RBM19: variants seen among roughly 807,000 people sequenced by gnomAD.
RBM19 encodes the protein probable RNA-binding protein 19.
Under a neutral mutation model 116.8 loss-of-function variants are expected in RBM19, and 94 were observed. The ratio of observed to expected loss-of-function variants is 0.80; its 90% CI spans 0.68 to 0.95. The LOEUF (loss-of-function observed/expected upper bound fraction) is 0.95. Ranked by LOEUF, RBM19 falls within the 40% of genes least tolerant of loss-of-function variation. The probability of loss-of-function intolerance (pLI) is 0.00; values close to 1 mark genes in which losing one functional copy is unlikely to be tolerated. For missense variants in RBM19, 1,161 were observed against 1,220.7 expected (o/e 0.95, Z 0.73); for synonymous variants, 475 against 494.1 (o/e 0.96, Z 0.51).
At position 113,953,189 on chromosome 12, in the gene RBM19, C is replaced by T. The variant is rs540057710; in HGVS notation, c.922-599G>A. On this transcript the variant is annotated intron_variant, in intron 7 of 23. Transcript: ENST00000261741. Reference sequence around the variant, plus strand: ...GCAAAAGACATGATCGGGCACTTTCCAAAAGAGAAGATATATTGGCCAGGT... The same window carrying T: ...GCAAAAGACATGATCGGGCACTTTCTAAAAGAGAAGATATATTGGCCAGGT... Among the ~76,000 whole-genome samples the T allele has an allele frequency of 5.9e-5, 9 of 152,302 alleles. No homozygotes were observed. The South Asian group carries it at 1.9e-3, about 32-fold the overall frequency.
At chr12:113,842,754 C>T (rs562326408) in intron 23 of RBM19, among the ~76,000 whole-genome samples, 1 of 151,778 alleles carries the variant, frequency 6.6e-6, no homozygotes, top group South Asian at 2.1e-4. Flanking sequence ...GGAGGGAAAG[C>T]GAAGGCTTCC....
chr12:113,955,005 C>T (rs1593648152), intron 7 of RBM19, 126 bp downstream of exon 7: 1 of 913,378 alleles, frequency 1.1e-6, no homozygotes, highest in Non-Finnish European at 1.7e-6. Flanking sequence ...CTTTTTGGCC[C>T]CCAATTCCTT....
At chr12:113,939,197 A>G (rs759285373) in intron 15 of RBM19, among the ~76,000 whole-genome samples, 5 of 151,860 alleles carry the variant, frequency 3.3e-5, no homozygotes, top group Non-Finnish European at 7.4e-5. Flanking sequence ...TCTCAGCTAC[A>G]TGGGAGGCTG....
intron 21 of RBM19, among the ~76,000 whole-genome samples, chr12:113,884,010 T>C (rs1862437439): frequency 1.3e-5 from 2 of 151,348 alleles, no homozygotes. Context: ...CACAGTGGCT[T>C]ACGCCTGTAA....
intron 23 of RBM19, among the ~76,000 whole-genome samples, chr12:113,834,007 A>G (rs1875666267): frequency 6.6e-6 from 1 of 152,158 alleles, no homozygotes; most frequent in Admixed American, 6.5e-5. Context: ...CGGCGTCTCA[A>G]AGCACTGGGA....
At chr12:113,838,926 C>G (rs1876201293) in intron 23 of RBM19, among the ~76,000 whole-genome samples, 1 of 152,222 alleles carries the variant, frequency 6.6e-6, no homozygotes. Context: ...CTGGCCACTT[C>G]CCACTGTCCC....
At chr12:113,854,504 A>G (rs1479853766) in intron 22 of RBM19, among the ~76,000 whole-genome samples, 1 of 151,676 alleles carries the variant, frequency 6.6e-6, no homozygotes, top group African/African-American at 2.4e-5. Context: ...TTCCCTCCAC[A>G]TGTGGGGAAG....
At chr12:113,864,166 G>C (rs1183279197) in intron 21 of RBM19, among the ~76,000 whole-genome samples, 1 of 152,194 alleles carries the variant, frequency 6.6e-6, no homozygotes, top group East Asian at 1.9e-4. Flanking sequence ...AAAGTAGGCG[G>C]TGTGCCCCAC....
intron 22 of RBM19, among the ~76,000 whole-genome samples, chr12:113,851,125 C>T (rs1258660875): frequency 6.6e-6 from 1 of 152,164 alleles, no homozygotes; most frequent in Non-Finnish European, 1.5e-5. Context: ...CAGGAGTTTG[C>T]CCAGAATAAG....
intron 18 of RBM19, among the ~76,000 whole-genome samples, chr12:113,923,155 T>C (rs1868738295): frequency 6.6e-6 from 1 of 152,128 alleles, no homozygotes; most frequent in East Asian, 1.9e-4. Context: ...ATAAATTAAA[T>C]GCAGTCATTA....
chr12:113,860,092 T>G (rs1281064755), intron 21 of RBM19, among the ~76,000 whole-genome samples: 12 of 152,220 alleles, frequency 7.9e-5, no homozygotes, highest in Admixed American at 7.9e-4. Context: ...CCAGCAGCTC[T>G]GCTCCCCCCT....
At position 113,914,982 on chromosome 12, in the gene RBM19, G is replaced by C; in HGVS notation, c.2545C>G (p.Arg849Gly). Residue 849 changes from arginine (R) to glycine (G), a missense_variant, in exon 21 of 24, where the codon CGA becomes GGA. Transcript: ENST00000261741. ...IPFQAHSREI[R>G]ELFSTFGELK... ...TGAAGTTCTCACCTGAAGAGCTCTC[G>C]GATCTCCCGGCTGTGGGCCTGGAAG... 6.2e-7 allele frequency: 1 copy of C among 1,613,772 alleles called. No individual in the cohort carries two copies. Among genetic ancestry groups the C allele is most frequent in the Non-Finnish European group, 8.5e-7 (1 of 1,179,638 alleles).
chr12:113,850,097 C>T lies in RBM19; in HGVS notation c.2665-5309G>A, dbSNP rs547661762. ...AGGGAGATGACAGTTCTGGGGGCTT[C>T]GCCATCCCTGGGGAATCCCTTAGCC... On this transcript the variant is annotated intron_variant, in intron 22 of 23. Transcript: ENST00000261741. Among the ~76,000 whole-genome samples, 3 of 152,344 alleles carry T rather than the reference C, an allele frequency of 2.0e-5. No homozygotes were observed. In the South Asian group the frequency reaches 6.2e-4, roughly 32 times the overall value.
intron 8 of RBM19, 130 bp downstream of exon 8, chr12:113,952,382 T>C (rs1871543664): frequency 1.3e-6 from 1 of 790,814 alleles, no homozygotes; most frequent in Non-Finnish European, 2.0e-6. Flanking sequence ...GCTGACCACA[T>C]CCACACAACT....
At chr12:113,947,620 C>T (rs1306709981) in intron 10 of RBM19, among the ~76,000 whole-genome samples, 156 bp from the exon 11 acceptor site, 2 of 152,174 alleles carry the variant, frequency 1.3e-5, no homozygotes, top group East Asian at 3.9e-4. Flanking sequence ...AATACCTGGG[C>T]TGGAGCCCAG....
intron 21 of RBM19, among the ~76,000 whole-genome samples, chr12:113,859,746 A>G (rs993847845): frequency 6.6e-6 from 1 of 152,182 alleles, no homozygotes; most frequent in African/African-American, 2.4e-5. Context: ...TATCAAATAT[A>G]TATGCACAAA....
intron 22 of RBM19, among the ~76,000 whole-genome samples, chr12:113,857,383 C>T (rs1055876130): frequency 8.5e-5 from 13 of 152,216 alleles, no homozygotes; most frequent in African/African-American, 2.4e-4. Context: ...GGGAGGGGGG[C>T]GCAGCCATCA....
chr12:113,944,117 T>TGGGG (rs1555245462), intron 13 of RBM19, among the ~76,000 whole-genome samples: 1 of 102,590 alleles, frequency 9.7e-6, no homozygotes, highest in Admixed American at 1.2e-4. Flanking sequence ...TTTTTTTTTT[T>TGGGG]GGGGCAGACT....
In RBM19 at chr12:113,942,495, C is replaced by G. The variant is rs1335957930; in HGVS notation, c.1627-61G>C. The G allele has an allele frequency of 7.9e-6, 11 of 1,386,940 alleles. No homozygotes were observed. The Middle Eastern group carries it at 7.4e-4, about 93-fold the overall frequency. 85.9% of individuals were successfully genotyped at this position (1,386,940 alleles called of 1,614,324 possible). A position where few individuals can be genotyped will look rare whatever the true frequency, so the allele number is the denominator to read the frequency against. On this transcript the variant is annotated intron_variant, in intron 13 of 23. Coordinates refer to ENST00000261741, the MANE Select transcript of RBM19 (RefSeq NM_016196.4). ...TCGGCCAGGTGACTTGCTGGCCCTCCCATCTCCCAACAGCCTGAAGAGGAG... is the reference window on the plus strand; with the variant it reads ...TCGGCCAGGTGACTTGCTGGCCCTCGCATCTCCCAACAGCCTGAAGAGGAG...
Sources: gnomAD v4.1 joint callset for allele counts (sites outside exome capture counted in the v4.1 genomes callset) on GRCh38, gnomAD v4.1.1 for gene constraint, MANE v1.5 for transcripts, NCBI Gene and HGNC (gene_info 2026-07-23, HGNC 2026-07-21) for gene names.